ZMAT4: variants seen among roughly 807,000 people sequenced by gnomAD.
ZMAT4 encodes zinc finger matrin-type 4, also known as zinc finger matrin-type protein 4.
ZMAT4 carries 17 observed loss-of-function variants against 28.7 expected under a neutral mutation model. That is an observed-to-expected ratio of 0.59 (90% CI 0.41 to 0.89). The LOEUF (loss-of-function observed/expected upper bound fraction) is 0.89, where lower values mean the gene tolerates loss of function less well. ZMAT4 is among the 40% of genes least tolerant of loss of function. ZMAT4 has a pLI of 0.00. For missense variants in ZMAT4, 240 were observed against 283.8 expected, an observed-to-expected ratio of 0.85 and a Z score of 1.11; for synonymous variants, 117 against 109.2, an observed-to-expected ratio of 1.07 and a Z score of -0.44.
At chr8:40,716,527 A>G (rs1457114601) in intron 3 of ZMAT4, among the ~76,000 whole-genome samples, 1 of 152,138 alleles carries the variant, frequency 6.6e-6, no homozygotes, top group East Asian at 1.9e-4. Context: ...CCCCATCTCT[A>G]CTAAAAATAC....
At chr8:40,553,606 G>A (rs1284181273) in intron 6 of ZMAT4, among the ~76,000 whole-genome samples, 1 of 152,128 alleles carries the variant, frequency 6.6e-6, no homozygotes, top group Non-Finnish European at 1.5e-5. Context: ...TTTCATGCCT[G>A]ATATCATTTC....
intron 3 of ZMAT4, among the ~76,000 whole-genome samples, chr8:40,706,879 G>C (rs1810378708): frequency 6.6e-6 from 1 of 152,056 alleles, no homozygotes; most frequent in South Asian, 2.1e-4. Context: ...TTTCACTTTC[G>C]AATCAGGTGG....
At chr8:40,761,128 T>C (rs1407506956) in intron 3 of ZMAT4, among the ~76,000 whole-genome samples, 2 of 152,140 alleles carry the variant, frequency 1.3e-5, no homozygotes, top group Non-Finnish European at 2.9e-5. Flanking sequence ...ACATATGTCA[T>C]ATAGTACTTC....
At chr8:40,580,214 G>A (rs1263231357) in intron 6 of ZMAT4, among the ~76,000 whole-genome samples, 3 of 151,772 alleles carry the variant, frequency 2.0e-5, no homozygotes, top group Non-Finnish European at 2.9e-5. Context: ...GGGTTTCACC[G>A]TGTTGGCCAG....
chr8:40,878,733 G>C (rs1370200147), intron 1 of ZMAT4, among the ~76,000 whole-genome samples: 2 of 152,222 alleles, frequency 1.3e-5, no homozygotes, highest in Admixed American at 6.5e-5. Flanking sequence ...GCCACGCAAG[G>C]TGCGGCAGGT....
intron 1 of ZMAT4, among the ~76,000 whole-genome samples, chr8:40,865,367 C>T (rs528773526): frequency 8.3e-4 from 127 of 152,328 alleles, no homozygotes; most frequent in African/African-American, 3.0e-3. Context: ...TCCCCGAATT[C>T]GGCCTGCATC....
intron 5 of ZMAT4, among the ~76,000 whole-genome samples, chr8:40,611,854 A>G (rs1805808186): frequency 6.6e-6 from 1 of 152,224 alleles, no homozygotes; most frequent in Admixed American, 6.5e-5. Flanking sequence ...AATAAATTTT[A>G]CTATCATCTA....
chr8:40,689,771 T>C (rs891942260), intron 4 of ZMAT4, among the ~76,000 whole-genome samples: 52 of 152,040 alleles, frequency 3.4e-4, no homozygotes, highest in African/African-American at 9.9e-4. Flanking sequence ...TGTTGACAGT[T>C]TCAGAGTATG....
At chr8:40,757,362 A>G (rs996431599) in intron 3 of ZMAT4, among the ~76,000 whole-genome samples, 1 of 152,184 alleles carries the variant, frequency 6.6e-6, no homozygotes, top group Non-Finnish European at 1.5e-5. Context: ...CTGTACACAC[A>G]TACACACACG....
rs556461990 is a variant in ZMAT4, at chr8:40,842,608, A to G, written c.-4-16928T>C. 4.6e-5 allele frequency among the ~76,000 whole-genome samples: 7 copies of G among 152,214 alleles called. No homozygotes were observed. The East Asian group carries it at 1.4e-3, about 30-fold the overall frequency. ...GGGTCAAGAGAAAGCAGTGATTTAC[A>G]AGTCATCCTCACCTGCCAGTGACAT... On this transcript the variant is annotated intron_variant, in intron 1 of 6. Transcript: ENST00000297737.
intron 1 of ZMAT4, among the ~76,000 whole-genome samples, chr8:40,841,038 G>T (rs1029980387): frequency 1.3e-5 from 2 of 152,192 alleles, no homozygotes; most frequent in Admixed American, 6.5e-5. Context: ...GTGTACAATA[G>T]AACCCTGTTG....
At chr8:40,847,005 G>A (rs544706589) in intron 1 of ZMAT4, among the ~76,000 whole-genome samples, 55 of 152,138 alleles carry the variant, frequency 3.6e-4, no homozygotes, top group African/African-American at 5.8e-4. Context: ...TCAGGAGTTC[G>A]AGACCAGCCT....
intron 2 of ZMAT4, among the ~76,000 whole-genome samples, chr8:40,824,537 G>A (rs1285440247): frequency 6.6e-6 from 1 of 151,994 alleles, no homozygotes; most frequent in African/African-American, 2.4e-5. Context: ...AGCAGAACAT[G>A]CCCTAGTAGC....
chr8:40,635,289 G>C (rs914103359), intron 5 of ZMAT4, among the ~76,000 whole-genome samples: 9 of 152,122 alleles, frequency 5.9e-5, no homozygotes, highest in Non-Finnish European at 7.3e-5. Context: ...GCCTTAATAC[G>C]AGTGGGTAGG....
At chr8:40,640,957 CAAA>C (rs557407610) in intron 5 of ZMAT4, among the ~76,000 whole-genome samples, 1 of 74,888 alleles carries the variant, frequency 1.3e-5, no homozygotes. Flanking sequence ...GACTCCATCT[CAAA>C]AAAAAAAAAA....
intron 2 of ZMAT4, among the ~76,000 whole-genome samples, chr8:40,823,508 A>C (rs1815905391): frequency 6.6e-6 from 1 of 152,090 alleles, no homozygotes; most frequent in Admixed American, 6.5e-5. Context: ...AATACAAAAA[A>C]ATTAGCCAGG....
Position 40,532,206 on chromosome 8 carries a change from C to T in ZMAT4, c.*17G>A, listed in dbSNP as rs372262834. 3.4e-5 allele frequency: 54 copies of T among 1,596,376 alleles called. No homozygotes were observed. The African/African-American group carries it at 5.8e-4, about 17-fold the overall frequency. ...AAATGCTAATGTTTTGTTCTTATGT[C>T]TTGATTGATGCTTTCACTACTTATT... On this transcript the variant is annotated 3_prime_UTR_variant, in exon 7 of 7. Coordinates refer to ENST00000297737, the MANE Select transcript of ZMAT4 (RefSeq NM_024645.3).
At chr8:40,714,886 TA>T (rs1810777756) in intron 3 of ZMAT4, among the ~76,000 whole-genome samples, 1 of 151,520 alleles carries the variant, frequency 6.6e-6, no homozygotes. Flanking sequence ...CCATCTCTAC[TA>T]AAAATACAAA....
At chr8:40,606,245 C>G (rs1425890935) in intron 5 of ZMAT4, among the ~76,000 whole-genome samples, 1 of 151,686 alleles carries the variant, frequency 6.6e-6, no homozygotes, top group Non-Finnish European at 1.5e-5. Flanking sequence ...TTTGTTTTTT[C>G]CTTTATTGTT....
Sources: gnomAD v4.1 joint callset for allele counts (sites outside exome capture counted in the v4.1 genomes callset) on GRCh38, gnomAD v4.1.1 for gene constraint, MANE v1.5 for transcripts, NCBI Gene and HGNC (gene_info 2026-07-23, HGNC 2026-07-21) for gene names.